The following ABTB2 variants were observed in gnomAD, a reference collection of about 807,000 sequenced individuals.
The protein encoded by ABTB2 is ankyrin repeat and BTB/POZ domain-containing protein 2.
ABTB2 carries 56 observed loss-of-function variants against 104.1 expected under a neutral mutation model. The observed-to-expected ratio is 0.54, with a 90% confidence interval of 0.43 to 0.67. ABTB2 has a LOEUF of 0.67. Among genes scored for constraint, ABTB2 ranks in the 30% least tolerant of loss-of-function variants. The pLI is 0.00. For missense variants in ABTB2, 1,279 were observed against 1,407.7 expected (o/e 0.91, Z 1.46); for synonymous variants, 606 against 608.2 (o/e 1.00, Z 0.05).
At chr11:34,302,686 T>A (rs1481917190) in intron 1 of ABTB2, among the ~76,000 whole-genome samples, 1 of 152,236 alleles carries the variant, frequency 6.6e-6, no homozygotes, top group Admixed American at 6.5e-5. Context: ...AAAAAAGATG[T>A]TCCTGTGATC....
chr11:34,176,969 T>G (rs1449126149), intron 3 of ABTB2, among the ~76,000 whole-genome samples: 4 of 152,346 alleles, frequency 2.6e-5, no homozygotes, highest in Non-Finnish European at 5.9e-5. Context: ...AATTCTTATA[T>G]TACAGGGCTG....
chr11:34,350,376 G>A lies in ABTB2; in HGVS notation c.883+6325C>T, dbSNP rs535735260. ...GTATTAGCCTTTGCTGAGCTGACCC[G>A]CCCATCCTTTAGAAGAGCATCGCAG... On this transcript the variant is annotated intron_variant, in intron 1 of 16. Transcript: ENST00000435224. Among the ~76,000 whole-genome samples, 22 of 152,234 alleles carry A rather than the reference G, an allele frequency of 1.4e-4. No homozygotes were observed. The East Asian group carries it at 1.9e-3, about 13-fold the overall frequency.
At chr11:34,211,684 A>G (rs1203857178) in intron 1 of ABTB2, among the ~76,000 whole-genome samples, 1 of 151,994 alleles carries the variant, frequency 6.6e-6, no homozygotes, top group Non-Finnish European at 1.5e-5. Context: ...ACTTGAGATC[A>G]GGCATTCGAG....
At chr11:34,346,594 A>C (rs1855334843) in intron 1 of ABTB2, among the ~76,000 whole-genome samples, 1 of 152,222 alleles carries the variant, frequency 6.6e-6, no homozygotes, top group Non-Finnish European at 1.5e-5. Flanking sequence ...TTTCTTTCCC[A>C]AGGATACTAA....
In ABTB2 at chr11:34,340,401, G is replaced by A. The variant is rs147812843; in HGVS notation, c.883+16300C>T. 2.0e-5 allele frequency among the ~76,000 whole-genome samples: 3 copies of A among 152,292 alleles called. No individual in the cohort carries two copies. In the East Asian group the frequency reaches 5.8e-4, roughly 29 times the overall value. On this transcript the variant is annotated intron_variant, in intron 1 of 16. Transcript: ENST00000435224. ...TTAATTCGCACAACCAGCCTGCCAG[G>A]TAGTTTTAGTATAATCGCCATTTCG...
intron 3 of ABTB2, among the ~76,000 whole-genome samples, chr11:34,174,051 T>TCG (rs1852925500): frequency 6.6e-6 from 1 of 152,038 alleles, no homozygotes; most frequent in Admixed American, 6.5e-5. Context: ...AGTAGTGGCC[T>TCG]CGGCCGGGCT....
intron 1 of ABTB2, among the ~76,000 whole-genome samples, chr11:34,341,855 G>A (rs560134219): frequency 1.3e-5 from 2 of 152,276 alleles, no homozygotes; most frequent in Admixed American, 1.3e-4. Flanking sequence ...GTTTTCAGCT[G>A]GAAGAGAGAA....
At chr11:34,242,236 C>T (rs1473552380) in intron 1 of ABTB2, among the ~76,000 whole-genome samples, 8 of 152,164 alleles carry the variant, frequency 5.3e-5, no homozygotes, top group African/African-American at 1.9e-4. Flanking sequence ...ACCCCTGAGT[C>T]AGACCTAGCC....
At chr11:34,339,626 G>C (rs1011947198) in intron 1 of ABTB2, among the ~76,000 whole-genome samples, 2 of 151,808 alleles carry the variant, frequency 1.3e-5, no homozygotes, top group African/African-American at 4.8e-5. Context: ...TGAGATTGGT[G>C]CTTCCCTGAG....
chr11:34,324,883 C>T (rs1048537138), intron 1 of ABTB2, among the ~76,000 whole-genome samples: 5 of 152,222 alleles, frequency 3.3e-5, no homozygotes, highest in South Asian at 4.1e-4. Context: ...CTGGAGTGCC[C>T]GTGGCAGACT....
At position 34,159,000 on chromosome 11, in the gene ABTB2, C is replaced by G. The variant is rs574673870; in HGVS notation, c.2697+296G>C. Among the ~76,000 whole-genome samples, 282 of 152,306 alleles carry G rather than the reference C, an allele frequency of 1.9e-3. 1 individual carries two copies. The highest frequency in any genetic ancestry group is 1.6e-3 in the Non-Finnish European group (111 of 68,024). On this transcript the variant is annotated intron_variant, in intron 14 of 16. Coordinates refer to ENST00000435224, the MANE Select transcript of ABTB2 (RefSeq NM_145804.3). Reference sequence around the variant, plus strand: ...TGGGAGCCCACCCTGATAACAAGGACTCACACCCCAGCTGTGTGGCTTGTA... The same window carrying G: ...TGGGAGCCCACCCTGATAACAAGGAGTCACACCCCAGCTGTGTGGCTTGTA...
In ABTB2 at chr11:34,170,981, G is replaced by A; in HGVS notation, c.1488C>T (p.Asn496=). The A allele has an allele frequency of 2.5e-6, 4 of 1,614,192 alleles. No homozygotes were observed. The highest frequency in any genetic ancestry group is 3.4e-6 in the Non-Finnish European group (4 of 1,180,044). ...GGTTGATGAGGTCCGTCCTCCCACA[G>A]TTGAGCATGCGGAAACCCAGGTCCT... The part of the protein sequence containing the change: ...FNQDLGFRML[N]CGRTDLINQA... The change falls in exon 5 of 17, where the codon AAC becomes AAT. Residue 496 remains asparagine (N), a synonymous_variant. Transcript: ENST00000435224.
intron 1 of ABTB2, among the ~76,000 whole-genome samples, chr11:34,267,535 C>CA (rs935956740): frequency 2.6e-5 from 4 of 151,814 alleles, no homozygotes; most frequent in South Asian, 2.1e-4. Context: ...ATATTTGAAA[C>CA]AAAAAAAATC....
chr11:34,328,017 T>C (rs2133115201), intron 1 of ABTB2, among the ~76,000 whole-genome samples: 1 of 152,282 alleles, frequency 6.6e-6, no homozygotes, highest in African/African-American at 2.4e-5. Context: ...AATATTGAGA[T>C]TAAGGTGGCC....
At chr11:34,172,508 G>T (rs1022176940) in intron 4 of ABTB2, among the ~76,000 whole-genome samples, 5 of 150,594 alleles carry the variant, frequency 3.3e-5, no homozygotes, top group Middle Eastern at 3.5e-3. Flanking sequence ...GGCCTAGGAT[G>T]GCCAGGGACG....
chr11:34,336,362 C>G (rs1236890600), intron 1 of ABTB2, among the ~76,000 whole-genome samples: 1 of 152,030 alleles, frequency 6.6e-6, no homozygotes, highest in Non-Finnish European at 1.5e-5. Context: ...TGCCTAGCAC[C>G]ACATTAAAAA....
At chr11:34,160,846 G>A in intron 11 of ABTB2, 57 bp downstream of exon 11, 1 of 1,531,934 alleles carries the variant, frequency 6.5e-7, no homozygotes, top group Non-Finnish European at 8.8e-7. Context: ...CCATCTGTGT[G>A]TCCCGTGGTC....
At chr11:34,192,348 T>C (rs1268130112) in intron 3 of ABTB2, among the ~76,000 whole-genome samples, 1 of 152,126 alleles carries the variant, frequency 6.6e-6, no homozygotes, top group Non-Finnish European at 1.5e-5. Flanking sequence ...TACAGATGAT[T>C]AAGAGCCTTG....
chr11:34,233,659 T>A (rs1853804378), intron 1 of ABTB2, among the ~76,000 whole-genome samples: 2 of 152,056 alleles, frequency 1.3e-5, no homozygotes, highest in Non-Finnish European at 2.9e-5. Context: ...CCACCTTTTT[T>A]TTTTTTATTA....
Sources: allele counts gnomAD v4.1 joint callset (sites outside exome capture counted in the v4.1 genomes callset), GRCh38; gene constraint gnomAD v4.1.1; transcripts MANE v1.5; gene names NCBI Gene and HGNC (gene_info 2026-07-23, HGNC 2026-07-21).